Variants in MPP7 observed in about 807,000 individuals in gnomAD.
The protein encoded by MPP7 is MAGUK p55 scaffold protein 7.
A neutral mutation model predicts 76.5 loss-of-function variants in MPP7; 60 were observed. That is an observed-to-expected ratio of 0.78 (90% CI 0.64 to 0.97). The LOEUF (loss-of-function observed/expected upper bound fraction) is 0.97. Ranked by LOEUF, MPP7 falls within the 50% of genes least tolerant of loss-of-function variation. The pLI, the probability that MPP7 is intolerant of heterozygous loss-of-function variation, is 0.00. For synonymous variants in MPP7, 237 were observed against 244.5 expected, an observed-to-expected ratio of 0.97 and a Z score of 0.29; for missense variants, 641 against 694.0, an observed-to-expected ratio of 0.92 and a Z score of 0.86.
intron 2 of MPP7, among the ~76,000 whole-genome samples, chr10:28,312,022 A>C (rs1005059811): frequency 3.3e-5 from 5 of 152,148 alleles, no homozygotes; most frequent in African/African-American, 4.8e-5. Flanking sequence ...GGTCTGGCTG[A>C]CTTCAAGAAT....
chr10:28,329,828 A>G (rs891214955), intron 2 of MPP7: 2 of 152,226 alleles, frequency 1.3e-5, no homozygotes, highest in Non-Finnish European at 2.9e-5. Context: ...ATTAGCTTTA[A>G]CAGCTTTATA....
intron 2 of MPP7, among the ~76,000 whole-genome samples, chr10:28,328,758 T>G (rs549801635): frequency 2.6e-5 from 4 of 152,328 alleles, no homozygotes; most frequent in Admixed American, 2.6e-4. Flanking sequence ...GCACAGATTT[T>G]GTATAAATTC....
At chr10:28,204,333 C>T (rs376364323) in intron 2 of MPP7, among the ~76,000 whole-genome samples, 1 of 151,496 alleles carries the variant, frequency 6.6e-6, no homozygotes, top group East Asian at 1.9e-4. Context: ...ATTTCAGCTA[C>T]TCGGGAGGCT....
intron 1 of MPP7, among the ~76,000 whole-genome samples, chr10:28,282,911 C>T (rs949319950): frequency 6.6e-6 from 1 of 151,948 alleles, no homozygotes; most frequent in Non-Finnish European, 1.5e-5. Context: ...GTGTCTCAAC[C>T]TGAGGTACGG....
chr10:28,113,081 T>C (rs1834554231), intron 11 of MPP7, among the ~76,000 whole-genome samples: 1 of 152,126 alleles, frequency 6.6e-6, no homozygotes, highest in Non-Finnish European at 1.5e-5. Flanking sequence ...ACTCACTCCG[T>C]GACCTCTACA....
chr10:28,118,183 A>C (rs562675843), intron 11 of MPP7: 31 of 985,050 alleles, frequency 3.1e-5, no homozygotes, highest in South Asian at 9.4e-5. Context: ...CACACAAACA[A>C]ACACACATAC....
chr10:28,156,920 G>C (rs775507760), intron 3 of MPP7, among the ~76,000 whole-genome samples: 3 of 152,084 alleles, frequency 2.0e-5, no homozygotes, highest in Non-Finnish European at 4.4e-5. Flanking sequence ...CTTAGAAAAA[G>C]AGTAATCGGC....
chr10:28,212,188 G>A (rs10826425), intron 2 of MPP7, among the ~76,000 whole-genome samples: 38,848 of 152,012 alleles, frequency 0.26, 5,690 homozygotes, highest in East Asian at 0.45. Context: ...GCAGGAAGCC[G>A]AGGGCCGAGG....
At chr10:28,115,588 G>A (rs1834642201) in intron 11 of MPP7, among the ~76,000 whole-genome samples, 2 of 152,200 alleles carry the variant, frequency 1.3e-5, no homozygotes, top group Admixed American at 6.5e-5. Context: ...CCAGGAAGAA[G>A]AAGCTTACTC....
intron 1 of MPP7, among the ~76,000 whole-genome samples, chr10:28,250,185 T>C (rs982855835): frequency 1.3e-5 from 2 of 152,156 alleles, no homozygotes; most frequent in Non-Finnish European, 2.9e-5. Flanking sequence ...ACATCCTTTG[T>C]TTTGGAGAGA....
intron 2 of MPP7, among the ~76,000 whole-genome samples, chr10:28,221,219 C>T (rs535583891): frequency 6.6e-6 from 1 of 152,170 alleles, no homozygotes; most frequent in East Asian, 1.9e-4. Flanking sequence ...TTCTTTTTAG[C>T]TAAAAATAAC....
At chr10:28,229,625 C>T (rs1396678213) in intron 2 of MPP7, among the ~76,000 whole-genome samples, 1 of 152,134 alleles carries the variant, frequency 6.6e-6, no homozygotes, top group East Asian at 1.9e-4. Context: ...CACGGTGGCT[C>T]ATGCCTGTAA....
chr10:28,280,194 T>C (rs1840626523), intron 1 of MPP7: 1 of 152,064 alleles, frequency 6.6e-6, no homozygotes, highest in African/African-American at 2.4e-5. Flanking sequence ...TAGATTTGTT[T>C]TAGGAACAAT....
intron 1 of MPP7, among the ~76,000 whole-genome samples, chr10:28,267,327 A>T (rs1840178378): frequency 1.3e-5 from 2 of 152,224 alleles, no homozygotes; most frequent in African/African-American, 4.8e-5. Flanking sequence ...CTATGAGGCA[A>T]TTGCTGCCTT....
At chr10:28,226,852 C>T (rs1838709369) in intron 2 of MPP7, among the ~76,000 whole-genome samples, 1 of 152,100 alleles carries the variant, frequency 6.6e-6, no homozygotes, top group Admixed American at 6.5e-5. Flanking sequence ...AAATATTATG[C>T]ACTGATAAAG....
At chr10:28,130,772 AT>A (rs1835167120) in intron 6 of MPP7, among the ~76,000 whole-genome samples, 1 of 152,226 alleles carries the variant, frequency 6.6e-6, no homozygotes. Flanking sequence ...TGGGTAGTGT[AT>A]TTTTTAAACT....
chr10:28,247,606 A>G (rs1210851232), intron 1 of MPP7, among the ~76,000 whole-genome samples: 1 of 152,228 alleles, frequency 6.6e-6, no homozygotes, highest in Non-Finnish European at 1.5e-5. Flanking sequence ...ATCCTCACTT[A>G]TCTGTGTATG....
chr10:28,080,494 T>A (rs11006846), intron 12 of MPP7, among the ~76,000 whole-genome samples: 6,269 of 152,268 alleles, frequency 0.041, 453 homozygotes, highest in African/African-American at 0.14. Flanking sequence ...TATCGCCTTC[T>A]AACAACTGTA....
At chr10:28,113,513 ACAAGAGC>A (rs1834569031) in intron 11 of MPP7, among the ~76,000 whole-genome samples, 1 of 152,170 alleles carries the variant, frequency 6.6e-6, no homozygotes, top group African/African-American at 2.4e-5. Context: ...AACAGGTCAG[ACAAGAGC>A]CCCAAGAGTG....
Sources: gnomAD v4.1 joint callset for allele counts (sites outside exome capture counted in the v4.1 genomes callset) on GRCh38, gnomAD v4.1.1 for gene constraint, MANE v1.5 for transcripts, NCBI Gene and HGNC (gene_info 2026-07-23, HGNC 2026-07-21) for gene names.